The following RAB44 variants were observed in gnomAD, a reference collection of about 807,000 sequenced individuals.
RAB44 encodes the protein ras-related protein Rab-44.
A neutral mutation model predicts 93.3 loss-of-function variants in RAB44; 67 were observed. The ratio of observed to expected loss-of-function variants is 0.72; its 90% CI spans 0.59 to 0.88. RAB44 has a LOEUF of 0.88. Ranked by LOEUF, RAB44 falls within the 40% of genes least tolerant of loss-of-function variation. The probability of loss-of-function intolerance (pLI) is 0.00; values close to 1 mark genes in which losing one functional copy is unlikely to be tolerated. For missense variants in RAB44, 1,064 were observed against 1,261.7 expected (o/e 0.84, Z 2.37); for synonymous variants, 427 against 520.3 (o/e 0.82, Z 2.44).
At position 36,721,487 on chromosome 6, in the gene RAB44, T is replaced by G. The variant is rs1763078340; in HGVS notation, c.1353T>G (p.His451Gln). The change falls in exon 9 of 14, where the codon CAT becomes CAG. Residue 451 changes from histidine to glutamine, a missense_variant. Transcript: ENST00000612677. ...SAKDNKGVDP[H>Q]EQDIRAEQPV... is the part of the protein sequence containing the mutation. ...AGGACAATAAAGGAGTGGACCCACA[T>G]GAGCAGGACATTAGAGCAGAGCAGC... The G allele has an allele frequency of 3.2e-6, 4 of 1,234,332 alleles. No individual in the cohort carries two copies. In the Admixed American group the frequency reaches 1.3e-4, roughly 39 times the overall value. 76.5% of individuals were successfully genotyped at this position (1,234,332 alleles called of 1,614,324 possible).
At chr6:36,707,769 G>T (rs918234263) in intron 2 of RAB44, among the ~76,000 whole-genome samples, 6 of 152,222 alleles carry the variant, frequency 3.9e-5, no homozygotes, top group Non-Finnish European at 1.5e-5. Flanking sequence ...TATAGCAGAG[G>T]CTTCAGGCAG....
At position 36,718,129 on chromosome 6, in the gene RAB44, G is replaced by A; in HGVS notation, c.732+11G>A. On this transcript the variant is annotated intron_variant, in intron 6 of 13. Coordinates refer to ENST00000612677, the MANE Select transcript of RAB44 (RefSeq NM_001257357.2). The stretch of plus-strand genomic sequence containing the variant: ...CAGCTGCAGGCTGAGGTGGGCTCCC[G>A]CCGGCAGCCTGCCTCCTTCCCACTG... 3.2e-6 allele frequency: 4 copies of A among 1,231,306 alleles called. No individual in the cohort carries two copies. The highest frequency in any genetic ancestry group is 1.5e-5 in the African/African-American group (1 of 64,532). The allele number at this position is 1,231,306 out of a possible 1,614,324, so 76.3% of individuals were successfully genotyped here. A position where few individuals can be genotyped will look rare whatever the true frequency, so the allele number is the denominator to read the frequency against.
intron 2 of RAB44, among the ~76,000 whole-genome samples, chr6:36,708,440 A>C (rs1001167380): frequency 2.6e-5 from 4 of 152,146 alleles, no homozygotes; most frequent in African/African-American, 7.2e-5. Context: ...GATATCTTAA[A>C]ATTTTTATTG....
chr6:36,704,345 CAG>C lies in RAB44; in HGVS notation c.113_114del (p.Glu38ValfsTer62). On this transcript the variant is annotated frameshift_variant, in exon 2 of 14. Transcript: ENST00000612677. LOFTEE classifies it high-confidence loss of function. ...GAAGGCGCTGCAGTGGCCCCAGAGC[CAG>C]AGTCTTGGTCCTCTCAGGCAGCGGC... is the stretch of plus-strand genomic sequence containing the variant. The C allele has an allele frequency of 6.5e-7, 1 of 1,536,160 alleles. No homozygotes were observed. The highest frequency in any genetic ancestry group is 8.7e-7 in the Non-Finnish European group (1 of 1,146,914).
rs757227463 is a variant in RAB44, at chr6:36,718,033, A to T, written c.647A>T (p.Asp216Val). 3.6e-4 allele frequency: 442 copies of T among 1,231,486 alleles called. No homozygotes were observed. The highest frequency in any genetic ancestry group is 7.2e-4 in the Admixed American group (17 of 23,674). The allele number at this position is 1,231,486 out of a possible 1,614,324, so 76.3% of individuals were successfully genotyped here. ...CCAACTCCTGCTCCTCCCAGGCGTG[A>T]CTCTGACCACCACCGCGAGGTCCAG... ...EALELTLRKR[D>V]SDHHREVQQL... The change falls in exon 6 of 14, where the codon GAC becomes GTC. Residue 216 changes from aspartate (D) to valine (V), a missense_variant. Transcript: ENST00000612677.
chr6:36,713,852 A>G lies in RAB44; in HGVS notation c.232A>G (p.Ser78Gly), dbSNP rs1260390881. The G allele has an allele frequency of 2.0e-6, 3 of 1,535,922 alleles. No homozygotes were observed. Among genetic ancestry groups the G allele is most frequent in the Non-Finnish European group, 2.6e-6 (3 of 1,146,798 alleles). ...GGTGGCCAAGTTCAGCTTCCTGGGCAGCAAGGAAGAGTCAGAGATGATCTT... is the reference window on the plus strand; with the variant it reads ...GGTGGCCAAGTTCAGCTTCCTGGGCGGCAAGGAAGAGTCAGAGATGATCTT... ...LAVAKFSFLG[S>G]KEESEMIFDW... The change falls in exon 3 of 14, where the codon AGC becomes GGC. Residue 78 changes from serine (S) to glycine (G), a missense_variant. Coordinates refer to ENST00000612677, the MANE Select transcript of RAB44 (RefSeq NM_001257357.2).
chr6:36,730,762 C>CCG lies in RAB44; in HGVS notation c.2975+13_2975+14insCG. 8.6e-7 allele frequency: 1 copy of CCG among 1,163,068 alleles called. No homozygotes were observed. The highest frequency in any genetic ancestry group is 1.1e-6 in the Non-Finnish European group (1 of 938,256). The allele number at this position is 1,163,068 out of a possible 1,614,324, so 72.0% of individuals were successfully genotyped here. A position where few individuals can be genotyped will look rare whatever the true frequency, so the allele number is the denominator to read the frequency against. ...TAAACCTGGCCAGGTAAGTGCTGCCCGCCCCCCGCCGCCCCCACCCCCCCC... is the reference window on the plus strand; with the variant it reads ...TAAACCTGGCCAGGTAAGTGCTGCCCCGGCCCCCCGCCGCCCCCACCCCCCCC... On this transcript the variant is annotated intron_variant, in intron 13 of 13. Transcript: ENST00000612677.
chr6:36,724,143 A>AT (rs780315544), intron 9 of RAB44, among the ~76,000 whole-genome samples: 9 of 86,584 alleles, frequency 1.0e-4, no homozygotes, highest in African/African-American at 3.7e-4. Context: ...ATTTTATTTT[A>AT]TTTATTTATT....
chr6:36,723,627 A>T (rs1340112354), intron 9 of RAB44, among the ~76,000 whole-genome samples: 2 of 151,850 alleles, frequency 1.3e-5, no homozygotes, highest in African/African-American at 4.8e-5. Flanking sequence ...CAAGGTCAGG[A>T]GATCGAGACC....
chr6:36,720,002 G>A, intron 7 of RAB44, among the ~76,000 whole-genome samples: 1 of 152,216 alleles, frequency 6.6e-6, no homozygotes, highest in East Asian at 1.9e-4. Flanking sequence ...GAGATTTGCT[G>A]TTGGATCAGG....
At chr6:36,704,506 C>G in intron 2 of RAB44, 64 bp downstream of exon 2, 1 of 1,456,406 alleles carries the variant, frequency 6.9e-7, no homozygotes, top group South Asian at 1.2e-5. Context: ...ACCCCCTCTC[C>G]CCCATCACAG....
Position 36,704,351 on chromosome 6 carries a change from C to G in RAB44, c.116C>G (p.Ser39Cys), listed in dbSNP as rs747193595. 3.8e-5 allele frequency: 59 copies of G among 1,536,018 alleles called. No individual in the cohort carries two copies. The highest frequency in any genetic ancestry group is 4.7e-5 in the Non-Finnish European group (54 of 1,146,910). ...GCTGCAGTGGCCCCAGAGCCAGAGT[C>G]TTGGTCCTCTCAGGCAGCGGCAGAA... The part of the protein sequence containing the change: ...EGAAVAPEPE[S>C]WSSQAAAELQ... The change falls in exon 2 of 14, where the codon TCT becomes TGT. Residue 39 changes from serine to cysteine, a missense_variant. Transcript: ENST00000612677.
rs1380155554 is a variant in RAB44, at chr6:36,709,242, T to C, written c.208-4586T>C. On this transcript the variant is annotated intron_variant, in intron 2 of 13. Transcript: ENST00000612677. ...CTGGGATTACAGGCATGAGCCACTG[T>C]GCCAAGCCTATTTATCATCAATTTT... Among the ~76,000 whole-genome samples, 9 of 152,190 alleles carry C rather than the reference T, an allele frequency of 5.9e-5. No individual in the cohort carries two copies. The South Asian group carries it at 1.9e-3, about 32-fold the overall frequency.
chr6:36,717,921 G>T lies in RAB44; in HGVS notation c.642-107G>T. On this transcript the variant is annotated intron_variant, in intron 5 of 13. Coordinates refer to ENST00000612677, the MANE Select transcript of RAB44 (RefSeq NM_001257357.2). This position sits in a 1 kb window ranked among gnomAD's most constrained non-coding sequence, Gnocchi z 4.1. ...AGGTCAGTGACTGCTGGCAGAGTGA[G>T]GAAAGCAATAGGATGGATTCCAAAC... is the stretch of plus-strand genomic sequence containing the variant. 1.8e-6 allele frequency: 1 copy of T among 546,256 alleles called. No homozygotes were observed. Among genetic ancestry groups the T allele is most frequent in the Non-Finnish European group, 2.8e-6 (1 of 362,330 alleles). The allele number at this position is 546,256 out of a possible 1,614,324, so 33.8% of individuals were successfully genotyped here.
rs1020950262 is a variant in RAB44 at position 36,721,196 on chromosome 6, C to T, written c.1062C>T (p.Ser354=). 1.6e-6 allele frequency: 2 copies of T among 1,234,394 alleles called. No homozygotes were observed. The highest frequency in any genetic ancestry group is 2.0e-6 in the Non-Finnish European group (2 of 988,204). 76.5% of individuals were successfully genotyped at this position (1,234,394 alleles called of 1,614,324 possible). Residue 354 remains serine, a synonymous_variant, in exon 9 of 14, where the codon TCC becomes TCT. Transcript: ENST00000612677. ...AGACCCCAGACCCTCAGGCTGCCTC[C>T]CCTGAGGAGGCCCCCCTGCCTGGGC... ...GEKTPDPQAA[S]PEEAPLPGLF...
chr6:36,722,264 C>T lies in RAB44; in HGVS notation c.2130C>T (p.Leu710=). 1.6e-6 allele frequency: 2 copies of T among 1,284,028 alleles called. No individual in the cohort carries two copies. The highest frequency in any genetic ancestry group is 2.0e-6 in the Non-Finnish European group (2 of 1,017,348). The allele number at this position is 1,284,028 out of a possible 1,614,324, so 79.5% of individuals were successfully genotyped here. A position where few individuals can be genotyped will look rare whatever the true frequency, so the allele number is the denominator to read the frequency against. Residue 710 remains leucine, a synonymous_variant, in exon 9 of 14, where the codon CTC becomes CTT. Transcript: ENST00000612677. ...AHGLETAHSE[L]PQQDSLLVSL... is the part of the protein sequence containing the mutation. ...GCCTAGAAACTGCGCATTCGGAACTCCCCCAGCAAGACTCTCTGCTTGTTT... is the reference window on the plus strand; with the variant it reads ...GCCTAGAAACTGCGCATTCGGAACTTCCCCAGCAAGACTCTCTGCTTGTTT...
intron 7 of RAB44, among the ~76,000 whole-genome samples, chr6:36,719,350 C>T (rs1582632402): frequency 2.0e-5 from 3 of 152,198 alleles, no homozygotes. Flanking sequence ...TCGAGGCAGG[C>T]CCCTCCTGCC....
chr6:36,725,692 G>A, intron 9 of RAB44, 170 bp from the exon 10 acceptor site: 1 of 594,400 alleles, frequency 1.7e-6, no homozygotes, highest in Non-Finnish European at 3.2e-6. Flanking sequence ...GCTTCTTGGA[G>A]GAAGTGGGTC....
chr6:36,704,353 T>C lies in RAB44; in HGVS notation c.118T>C (p.Trp40Arg), dbSNP rs1374479884. 2.6e-6 allele frequency: 4 copies of C among 1,536,012 alleles called. No homozygotes were observed. The highest frequency in any genetic ancestry group is 1.4e-5 in the African/African-American group (1 of 73,046). Reference protein sequence around the residue: ...GAAVAPEPESWSSQAAAELQA... With the variant: ...GAAVAPEPESRSSQAAAELQA... ...TGCAGTGGCCCCAGAGCCAGAGTCT[T>C]GGTCCTCTCAGGCAGCGGCAGAACT... Residue 40 changes from tryptophan to arginine, a missense_variant, in exon 2 of 14, where the codon TGG becomes CGG. Physicochemically the swap from Trp to Arg is moderately radical, Grantham distance 101. Coordinates refer to ENST00000612677, the MANE Select transcript of RAB44 (RefSeq NM_001257357.2).
Sources: gnomAD v4.1 joint callset for allele counts (sites outside exome capture counted in the v4.1 genomes callset) on GRCh38, gnomAD v4.1.1 for gene constraint, Gnocchi (gnomAD v3.1) non-coding constraint, MANE v1.5 for transcripts, NCBI Gene and HGNC (gene_info 2026-07-23, HGNC 2026-07-21) for gene names.